The following TSHZ2 variants were observed in gnomAD, a reference collection of about 807,000 sequenced individuals.
TSHZ2 encodes the protein teashirt homolog 2.
A neutral mutation model predicts 74.4 loss-of-function variants in TSHZ2; 21 were observed. That is an observed-to-expected ratio of 0.28 (90% CI 0.20 to 0.41). The LOEUF (loss-of-function observed/expected upper bound fraction) is 0.41. TSHZ2 is among the 10% of genes least tolerant of loss of function. TSHZ2 has a pLI of 1.00. For missense variants in TSHZ2, 1,244 were observed against 1,293.5 expected, an observed-to-expected ratio of 0.96 and a Z score of 0.59; for synonymous variants, 540 against 515.3, an observed-to-expected ratio of 1.05 and a Z score of -0.65.
At chr20:53,243,435 A>C (rs999047407) in intron 1 of TSHZ2, among the ~76,000 whole-genome samples, 2 of 152,180 alleles carry the variant, frequency 1.3e-5, no homozygotes, top group Non-Finnish European at 2.9e-5. Context: ...GCTTAAACTG[A>C]AAGTTCTCCC....
At chr20:53,240,497 A>C (rs1184044798) in intron 1 of TSHZ2, among the ~76,000 whole-genome samples, 2 of 152,110 alleles carry the variant, frequency 1.3e-5, no homozygotes, top group Non-Finnish European at 2.9e-5. Flanking sequence ...TACAACTGCA[A>C]ATTCCCTTTG....
chr20:53,306,245 GC>G (rs1027655189), intron 2 of TSHZ2, among the ~76,000 whole-genome samples: 3 of 152,096 alleles, frequency 2.0e-5, no homozygotes, highest in Non-Finnish European at 4.4e-5. Flanking sequence ...TGCTCTTCTT[GC>G]CAAAAAAGCA....
At chr20:53,003,325 C>T (rs1477007653) in intron 1 of TSHZ2, among the ~76,000 whole-genome samples, 1 of 150,100 alleles carries the variant, frequency 6.7e-6, no homozygotes, top group African/African-American at 2.5e-5. Context: ...TAAGTCAGTG[C>T]ACCTTCCTCG....
intron 2 of TSHZ2, among the ~76,000 whole-genome samples, chr20:53,270,806 G>T (rs1267305119): frequency 6.6e-6 from 1 of 152,086 alleles, no homozygotes; most frequent in African/African-American, 2.4e-5. Flanking sequence ...AGAAAAAAAT[G>T]ATGTTTCAGG....
In TSHZ2 at chr20:53,490,334, G is replaced by A. The variant is rs1986414364; in HGVS notation, c.*3199G>A. On this transcript the variant is annotated 3_prime_UTR_variant, in exon 3 of 3. Transcript: ENST00000371497. ...AAATATTATTGGGCACCTGTTATGT[G>A]AGACACTGTCCTAGGCACTGTGGGA... 1 of 152,180 alleles carries A rather than the reference G, an allele frequency of 6.6e-6. No homozygotes were observed. The allele number at this position is 152,180 out of a possible 1,614,324, so 9.4% of individuals were successfully genotyped here.
intron 2 of TSHZ2, among the ~76,000 whole-genome samples, chr20:53,436,246 T>C (rs1039681044): frequency 3.3e-5 from 5 of 152,184 alleles, no homozygotes; most frequent in African/African-American, 4.8e-5. Flanking sequence ...TGAAACTCTC[T>C]CTATGGGAGA....
At chr20:53,205,630 G>T (rs533360401) in intron 1 of TSHZ2, among the ~76,000 whole-genome samples, 1 of 152,252 alleles carries the variant, frequency 6.6e-6, no homozygotes, top group Admixed American at 6.5e-5. Context: ...CTAGACATGA[G>T]ATCCGAGCAT....
intron 1 of TSHZ2, chr20:53,168,768 G>A (rs1186305889): frequency 6.6e-6 from 1 of 152,162 alleles, no homozygotes; most frequent in Non-Finnish European, 1.5e-5. Context: ...CAAAACCATT[G>A]AAGGTGTGAA....
intron 1 of TSHZ2, among the ~76,000 whole-genome samples, chr20:53,026,541 T>A (rs1044588835): frequency 2.6e-5 from 4 of 151,904 alleles, no homozygotes; most frequent in Non-Finnish European, 2.9e-5. Context: ...TTTAAAAAAA[T>A]TTTTTTCTAA....
chr20:53,162,566 G>A (rs1008220697), intron 1 of TSHZ2, among the ~76,000 whole-genome samples: 6 of 152,210 alleles, frequency 3.9e-5, no homozygotes, highest in African/African-American at 1.2e-4. Context: ...TGCTAAGCAT[G>A]AGTTACCTTC....
intron 2 of TSHZ2, among the ~76,000 whole-genome samples, chr20:53,480,225 C>A (rs190653713): frequency 6.6e-6 from 1 of 151,856 alleles, no homozygotes; most frequent in Non-Finnish European, 1.5e-5. Flanking sequence ...CCTGCCACCA[C>A]CACCAGCTAA....
intron 1 of TSHZ2, among the ~76,000 whole-genome samples, chr20:53,147,074 T>C (rs960445720): frequency 6.6e-6 from 1 of 152,200 alleles, no homozygotes; most frequent in African/African-American, 2.4e-5. Context: ...GATGCTAAGG[T>C]TGATTTTGTG....
chr20:53,464,054 C>A (rs1985484084), intron 2 of TSHZ2, among the ~76,000 whole-genome samples: 1 of 152,144 alleles, frequency 6.6e-6, no homozygotes, highest in Non-Finnish European at 1.5e-5. Context: ...GCCTGAAGAC[C>A]CTTTACTTTC....
intron 1 of TSHZ2, among the ~76,000 whole-genome samples, chr20:53,156,642 C>G (rs958300264): frequency 6.6e-6 from 1 of 152,140 alleles, no homozygotes; most frequent in Non-Finnish European, 1.5e-5. Flanking sequence ...GGGCAAACTC[C>G]CATGATTCAG....
Position 52,972,529 on chromosome 20 carries a change from T to C in TSHZ2, c.-765T>C, listed in dbSNP as rs910051582. 1 of 153,330 alleles carries C rather than the reference T, an allele frequency of 6.5e-6. No homozygotes were observed. Among genetic ancestry groups the C allele is most frequent in the Non-Finnish European group, 1.5e-5 (1 of 68,868 alleles). The allele number at this position is 153,330 out of a possible 1,614,324, so 9.5% of individuals were successfully genotyped here. On this transcript the variant is annotated 5_prime_UTR_variant, in exon 1 of 3. Transcript: ENST00000371497. ...GTGAGTGCGTGTGTGAGTGTCTGTG[T>C]GTGTGTCTGTGTGTGTGTGTGAGTG...
intron 2 of TSHZ2, among the ~76,000 whole-genome samples, chr20:53,382,624 G>A (rs969395111): frequency 6.6e-6 from 1 of 152,192 alleles, no homozygotes; most frequent in Non-Finnish European, 1.5e-5. Flanking sequence ...CTCTTCACGA[G>A]CCCTGGTGGC....
chr20:53,104,250 G>A (rs536618570), intron 1 of TSHZ2, among the ~76,000 whole-genome samples: 9 of 151,874 alleles, frequency 5.9e-5, no homozygotes, highest in African/African-American at 1.9e-4. Flanking sequence ...AGACTGGGGG[G>A]TGGGGGGAAG....
At chr20:53,264,528 A>G (rs1454805598) in intron 2 of TSHZ2, among the ~76,000 whole-genome samples, 1 of 152,202 alleles carries the variant, frequency 6.6e-6, no homozygotes, top group Non-Finnish European at 1.5e-5. Context: ...TGCTACAAAG[A>G]GTGGAATCTT....
chr20:53,033,885 C>G (rs1022900298), intron 1 of TSHZ2, among the ~76,000 whole-genome samples: 12 of 151,854 alleles, frequency 7.9e-5, no homozygotes, highest in African/African-American at 1.9e-4. Flanking sequence ...GTCTCGAACT[C>G]CTGACCGCAG....
Sources: allele counts gnomAD v4.1 joint callset (sites outside exome capture counted in the v4.1 genomes callset), GRCh38; gene constraint gnomAD v4.1.1; transcripts MANE v1.5; gene names NCBI Gene and HGNC (gene_info 2026-07-23, HGNC 2026-07-21).